SV2C: variants seen among roughly 807,000 people sequenced by gnomAD.
The protein encoded by SV2C is solute carrier family 22 member B3.
SV2C carries 49 observed loss-of-function variants against 79.7 expected under a neutral mutation model. That is an observed-to-expected ratio of 0.61 (90% CI 0.49 to 0.78). The LOEUF is 0.78. Ranked by LOEUF, SV2C falls within the 30% of genes least tolerant of loss-of-function variation. The probability of loss-of-function intolerance (pLI) is 0.00; values close to 1 mark genes in which losing one functional copy is unlikely to be tolerated. For missense variants in SV2C, 833 were observed against 912.9 expected (o/e 0.91, Z 1.13); for synonymous variants, 334 against 333.2 (o/e 1.00, Z -0.03).
chr5:76,090,218 G>A (rs1192684959), intron 1 of SV2C, among the ~76,000 whole-genome samples: 2 of 152,174 alleles, frequency 1.3e-5, no homozygotes, highest in Admixed American at 1.3e-4. Context: ...TAAGCTTCAC[G>A]TTTAGAAGAA....
intron 2 of SV2C, among the ~76,000 whole-genome samples, chr5:76,161,366 G>A (rs1487606920): frequency 1.3e-5 from 2 of 152,160 alleles, no homozygotes; most frequent in East Asian, 3.8e-4. Context: ...TAGGGATGCG[G>A]TGGATGAGAG....
At chr5:76,171,425 G>C (rs867252920) in intron 2 of SV2C, among the ~76,000 whole-genome samples, 1,213 of 95,368 alleles carry the variant, frequency 0.013, 6 homozygotes, top group African/African-American at 0.043. Flanking sequence ...GCCTCTGCCC[G>C]GCCGAGACCC....
At chr5:76,243,272 G>A (rs1048746487) in intron 4 of SV2C, among the ~76,000 whole-genome samples, 5 of 152,032 alleles carry the variant, frequency 3.3e-5, no homozygotes, top group Non-Finnish European at 7.4e-5. Context: ...AATCTGCTAG[G>A]GACTTACAAA....
the SV2C span, among the ~76,000 whole-genome samples, chr5:75,995,787 C>T: frequency 1.3e-5 from 2 of 152,100 alleles, no homozygotes; most frequent in African/African-American, 4.8e-5. Flanking sequence ...TCATTCAGGA[C>T]TTCCAAATCC....
chr5:76,192,871 A>AT (rs1441691644), intron 2 of SV2C, among the ~76,000 whole-genome samples: 2 of 151,708 alleles, frequency 1.3e-5, no homozygotes, highest in African/African-American at 2.4e-5. Flanking sequence ...TTGATATGAC[A>AT]TTTTTTATAC....
rs1018212008 is a variant in SV2C, at chr5:76,281,363, A to G, written c.914-3799A>G. The stretch of plus-strand genomic sequence containing the variant: ...AAAATTTACTTTGTTTATTGTCTAT[A>G]TGCCTTTTTTAAAAATAAACTTGTT... On this transcript the variant is annotated intron_variant, in intron 4 of 12. Coordinates refer to ENST00000502798, the MANE Select transcript of SV2C (RefSeq NM_014979.4). The G allele has an allele frequency of 3.7e-5, 10 of 269,188 alleles. 1 individual carries two copies. The highest frequency in any genetic ancestry group is 7.8e-5 in the South Asian group (2 of 25,580). The allele number at this position is 269,188 out of a possible 1,614,324, so 16.7% of individuals were successfully genotyped here.
the SV2C span, among the ~76,000 whole-genome samples, chr5:75,927,099 G>T: frequency 6.6e-6 from 1 of 152,112 alleles, no homozygotes; most frequent in Admixed American, 6.5e-5. Context: ...TGTAATGCAG[G>T]TGGATATCAG....
At chr5:76,275,181 A>G (rs1746985721) in intron 4 of SV2C, among the ~76,000 whole-genome samples, 1 of 152,162 alleles carries the variant, frequency 6.6e-6, no homozygotes, top group African/African-American at 2.4e-5. Context: ...ATATCACATA[A>G]CCGACAGTCA....
rs1745414171 is a variant in SV2C, at chr5:76,231,409, T to G, written c.913+21522T>G. Among the ~76,000 whole-genome samples the G allele has an allele frequency of 2.0e-5, 3 of 152,082 alleles. No individual in the cohort carries two copies. The East Asian group carries it at 5.8e-4, about 29-fold the overall frequency. On this transcript the variant is annotated intron_variant, in intron 4 of 12. Coordinates refer to ENST00000502798, the MANE Select transcript of SV2C (RefSeq NM_014979.4). ...ATCCAGGAGTTAATGTACTGAGGCT[T>G]GCTGCAGCTCATGGCTGATTTTATT...
At chr5:76,232,883 G>T (rs1745471769) in intron 4 of SV2C, among the ~76,000 whole-genome samples, 1 of 143,624 alleles carries the variant, frequency 7.0e-6, no homozygotes, top group South Asian at 2.1e-4. Flanking sequence ...GATGCCTCCA[G>T]CTTTGTTCTT....
chr5:76,289,728 C>T (rs1028154240), intron 6 of SV2C, among the ~76,000 whole-genome samples: 13 of 152,162 alleles, frequency 8.5e-5, no homozygotes, highest in African/African-American at 2.9e-4. Flanking sequence ...ATTTTCCCTC[C>T]TAACTCTGGA....
chr5:76,292,266 C>G (rs553395947), intron 8 of SV2C, among the ~76,000 whole-genome samples: 1 of 152,216 alleles, frequency 6.6e-6, no homozygotes, highest in East Asian at 1.9e-4. Context: ...TTTCTTTACC[C>G]TCTTCAACTC....
At chr5:76,336,105 C>A (rs550795263), downstream of SV2C, among the ~76,000 whole-genome samples, 2 of 55,216 alleles carry the variant, frequency 3.6e-5, no homozygotes, top group East Asian at 4.8e-4. Flanking sequence ...GGGGTCTGAC[C>A]CCCCCCACCT....
chr5:75,886,241 C>T, the SV2C span, among the ~76,000 whole-genome samples: 4 of 152,128 alleles, frequency 2.6e-5, no homozygotes, highest in East Asian at 7.7e-4. Context: ...TCCTTTGATT[C>T]AGCTCTTTAA....
the SV2C span, among the ~76,000 whole-genome samples, chr5:75,947,920 T>G: frequency 6.6e-6 from 1 of 151,914 alleles, no homozygotes; most frequent in Non-Finnish European, 1.5e-5. Flanking sequence ...GAGTAGGAAG[T>G]CTTATTCTAC....
chr5:75,952,515 A>G, the SV2C span, among the ~76,000 whole-genome samples: 1 of 151,760 alleles, frequency 6.6e-6, no homozygotes, highest in Non-Finnish European at 1.5e-5. Flanking sequence ...GGTGGGAGGT[A>G]TTGGATCATA....
At chr5:76,172,291 G>A (rs1580327018) in intron 2 of SV2C, among the ~76,000 whole-genome samples, 3 of 89,524 alleles carry the variant, frequency 3.4e-5, no homozygotes, top group Admixed American at 1.2e-4. Flanking sequence ...AGGGAGGTGG[G>A]GGGGGGGGTC....
chr5:76,226,355 G>A (rs1474675281), intron 4 of SV2C, among the ~76,000 whole-genome samples: 1 of 152,100 alleles, frequency 6.6e-6, no homozygotes, highest in African/African-American at 2.4e-5. Context: ...AAATGAGAAA[G>A]CCCACACCCT....
At chr5:76,201,379 C>T (rs953296363) in intron 3 of SV2C, among the ~76,000 whole-genome samples, 92 of 152,274 alleles carry the variant, frequency 6.0e-4, no homozygotes, top group African/African-American at 2.1e-3. Context: ...ATATCAGAGT[C>T]GGGAGCTTCT....
Sources: allele counts gnomAD v4.1 joint callset (sites outside exome capture counted in the v4.1 genomes callset), GRCh38; gene constraint gnomAD v4.1.1; transcripts MANE v1.5; gene names NCBI Gene and HGNC (gene_info 2026-07-23, HGNC 2026-07-21).